The following ADAMTSL2 variants were observed in gnomAD, a reference collection of about 807,000 sequenced individuals.
ADAMTSL2 encodes ADAMTS-like protein 2.
A neutral mutation model predicts 117.0 loss-of-function variants in ADAMTSL2; 55 were observed. That is an observed-to-expected ratio of 0.47 (90% CI 0.38 to 0.59). ADAMTSL2 has a LOEUF of 0.59. Among genes scored for constraint, ADAMTSL2 ranks in the 20% least tolerant of loss-of-function variants. The pLI is 0.00. For missense variants in ADAMTSL2, 1,182 were observed against 1,354.5 expected, an observed-to-expected ratio of 0.87 and a Z score of 2.00; for synonymous variants, 572 against 566.4, an observed-to-expected ratio of 1.01 and a Z score of -0.14.
chr9:133,540,806 G>GGGA (rs1830202939), intron 6 of ADAMTSL2, 63 bp downstream of exon 6: 5 of 1,613,388 alleles, frequency 3.1e-6, no homozygotes, highest in Non-Finnish European at 2.5e-6. Flanking sequence ...GCCCGCCTGT[G>GGGA]GGAGGCAGTG....
rs371639887 is a variant in ADAMTSL2, at chr9:133,536,835, C to T, written c.90+33C>T. The T allele has an allele frequency of 4.8e-4, 771 of 1,613,678 alleles. 1 individual carries two copies. Among genetic ancestry groups the T allele is most frequent in the Non-Finnish European group, 6.1e-4 (714 of 1,179,966 alleles). On this transcript the variant is annotated intron_variant, in intron 2 of 18. Transcript: ENST00000651351. ...GGGTGTTGTGGTCTGAGGGCCCATG[C>T]CAGTCCCCTACCCAGGTGCTGTGAT... is the stretch of plus-strand genomic sequence containing the variant.
chr9:133,549,896 A>G (rs1830443281), intron 9 of ADAMTSL2, among the ~76,000 whole-genome samples: 1 of 152,220 alleles, frequency 6.6e-6, no homozygotes, highest in South Asian at 2.1e-4. Context: ...GGGATGGGGA[A>G]CACACAGTCC....
intron 17 of ADAMTSL2, among the ~76,000 whole-genome samples, chr9:133,572,977 G>T (rs1012738004): frequency 6.6e-6 from 1 of 152,232 alleles, no homozygotes; most frequent in African/African-American, 2.4e-5. Flanking sequence ...CGCCAAGCCA[G>T]CCTCTCCTCG....
At chr9:133,572,485 G>A (rs1294024016) in intron 17 of ADAMTSL2, among the ~76,000 whole-genome samples, 1 of 152,174 alleles carries the variant, frequency 6.6e-6, no homozygotes, top group Non-Finnish European at 1.5e-5. Context: ...GGCTGACTGG[G>A]GTTCCAGGGC....
At chr9:133,543,097 C>T (rs1315199098) in intron 7 of ADAMTSL2, among the ~76,000 whole-genome samples, 3 of 151,512 alleles carry the variant, frequency 2.0e-5, no homozygotes, top group South Asian at 2.1e-4. Context: ...TACAGGCTCC[C>T]ACCGCCATGC....
Position 133,570,473 on chromosome 9 carries a change from C to T in ADAMTSL2, c.2558C>T (p.Pro853Leu). 1 of 1,611,846 alleles carries T rather than the reference C, an allele frequency of 6.2e-7. No homozygotes were observed. Among genetic ancestry groups the T allele is most frequent in the Non-Finnish European group, 8.5e-7 (1 of 1,179,558 alleles). The change falls in exon 17 of 19, where the codon CCC (proline) becomes CTC (leucine). Residue 853 changes from proline to leucine, a missense_variant. Around this residue, in one of 3 missense-constraint regions of ADAMTSL2, gnomAD observed 465 missense variants for 565.3 expected, o/e 0.82. Transcript: ENST00000651351. The stretch of plus-strand genomic sequence containing the variant: ...GAGGAGAGCACGTGTTTCGAGAGGC[C>T]CTGCTTCAAGTGGTACACCAGCCCC... Reference protein sequence around the residue: ...PPEESTCFERPCFKWYTSPWS... With the variant: ...PPEESTCFERLCFKWYTSPWS...
At chr9:133,542,029 G>T (rs1454176777) in intron 7 of ADAMTSL2, among the ~76,000 whole-genome samples, 1 of 152,216 alleles carries the variant, frequency 6.6e-6, no homozygotes, top group Non-Finnish European at 1.5e-5. Flanking sequence ...GGAATAATCT[G>T]TCAAGGTCCC....
At chr9:133,536,336 G>GC in intron 1 of ADAMTSL2, among the ~76,000 whole-genome samples, 1 of 152,328 alleles carries the variant, frequency 6.6e-6, no homozygotes, top group African/African-American at 2.4e-5. Flanking sequence ...TGGGTCCCCA[G>GC]CCCCCTCAGC....
rs1008359542 is a variant in ADAMTSL2, at chr9:133,534,804, G to A, written c.-264G>A. 7.4e-6 allele frequency: 11 copies of A among 1,487,710 alleles called. No homozygotes were observed. The highest frequency in any genetic ancestry group is 5.8e-5 in the African/African-American group (4 of 69,214). 92.2% of individuals were successfully genotyped at this position (1,487,710 alleles called of 1,614,324 possible). ...GGAGGGGAAGGGGAGAGGGAGGCCG[G>A]GCCGCAGCCTCTGCACTCACGCCGC... On this transcript the variant is annotated 5_prime_UTR_variant, in exon 1 of 19. Coordinates refer to ENST00000651351, the MANE Select transcript of ADAMTSL2 (RefSeq NM_014694.4).
Position 133,534,892 on chromosome 9 carries a change from A to G in ADAMTSL2, c.-176A>G. On this transcript the variant is annotated 5_prime_UTR_variant, in exon 1 of 19. Transcript: ENST00000651351. The stretch of plus-strand genomic sequence containing the variant: ...CGCAGCGCTCGCCCCTTTCTCTGGG[A>G]GGACAACCTGCTGACCCGAAGCCAG... 1 of 1,440,704 alleles carries G rather than the reference A, an allele frequency of 6.9e-7. No homozygotes were observed. The highest frequency in any genetic ancestry group is 1.4e-5 in the South Asian group (1 of 70,734). The allele number at this position is 1,440,704 out of a possible 1,614,324, so 89.2% of individuals were successfully genotyped here. A position where few individuals can be genotyped will look rare whatever the true frequency, so the allele number is the denominator to read the frequency against.
At chr9:133,563,830 AGAGAGAGAGAGAGG>A (rs1830811092) in intron 12 of ADAMTSL2, among the ~76,000 whole-genome samples, 3 of 90,964 alleles carry the variant, frequency 3.3e-5, no homozygotes, top group African/African-American at 9.2e-5. Flanking sequence ...AGAGAGAGAG[AGAGAGAGAGAGAGG>A]GAGAGAGAGA....
In ADAMTSL2 at chr9:133,540,985, G is replaced by A; in HGVS notation, c.666G>A (p.Lys222=). ...CCCACGTGACGGGCAACTATCGCAAGGGGAATGCCCACCTTGGTAAGCCAC... is the reference window on the plus strand; with the variant it reads ...CCCACGTGACGGGCAACTATCGCAAAGGGAATGCCCACCTTGGTAAGCCAC... The part of the protein sequence containing the change: ...SCTHVTGNYR[K]GNAHLGYSLV... Residue 222 remains lysine (K), a synonymous_variant, in exon 7 of 19, where the codon AAG becomes AAA. Transcript: ENST00000651351. 1.9e-6 allele frequency: 3 copies of A among 1,613,396 alleles called. No individual in the cohort carries two copies. The highest frequency in any genetic ancestry group is 1.7e-6 in the Non-Finnish European group (2 of 1,180,008).
At chr9:133,564,327 A>G (rs1588304034) in intron 12 of ADAMTSL2, among the ~76,000 whole-genome samples, 1 of 55,380 alleles carries the variant, frequency 1.8e-5, no homozygotes, top group Non-Finnish European at 3.5e-5. Flanking sequence ...AGAGAGGGAG[A>G]GAGAGAAAGA....
rs112568160 is a variant in ADAMTSL2, at chr9:133,561,457, T to C, written c.1747+162T>C. On this transcript the variant is annotated intron_variant, in intron 12 of 18. Transcript: ENST00000651351. ...TGGGGGCAGTGTGGCGTGATAGGAG[T>C]TTGGGTGTCTGGTGAGGCCACCCTC... 1.9e-3 allele frequency among the ~76,000 whole-genome samples: 286 copies of C among 152,208 alleles called. 2 individuals are homozygous for C. The highest frequency in any genetic ancestry group is 6.6e-3 in the African/African-American group (276 of 41,548).
chr9:133,541,491 G>A (rs1452089794), intron 7 of ADAMTSL2, among the ~76,000 whole-genome samples: 1 of 152,208 alleles, frequency 6.6e-6, no homozygotes, highest in Non-Finnish European at 1.5e-5. Context: ...GTTTCACTAT[G>A]TTGGCCAGGC....
At chr9:133,564,597 G>GGAGAGAGAGAGAGGGAGA (rs1322212903) in intron 12 of ADAMTSL2, among the ~76,000 whole-genome samples, 3 of 26,144 alleles carry the variant, frequency 1.1e-4, no homozygotes, top group Non-Finnish European at 2.2e-4. Context: ...AGAGAGAGGG[G>GGAGAGAGAGAGAGGGAGA]GAGAGAGAGG....
chr9:133,536,586 A>G lies in ADAMTSL2; in HGVS notation c.-127A>G. ...AGGGTCTGCCAGACAACCACGACCAACTAGTCCCAGATAACCTTGAGGCCT... is the reference window on the plus strand; with the variant it reads ...AGGGTCTGCCAGACAACCACGACCAGCTAGTCCCAGATAACCTTGAGGCCT... On this transcript the variant is annotated 5_prime_UTR_variant, in exon 2 of 19. Coordinates refer to ENST00000651351, the MANE Select transcript of ADAMTSL2 (RefSeq NM_014694.4). The G allele has an allele frequency of 6.2e-7, 1 of 1,603,822 alleles. No individual in the cohort carries two copies. The highest frequency in any genetic ancestry group is 8.5e-7 in the Non-Finnish European group (1 of 1,174,752).
At chr9:133,537,364 G>A (rs1327415917) in intron 2 of ADAMTSL2, 41 bp from the exon 3 acceptor site, 10 of 1,330,656 alleles carry the variant, frequency 7.5e-6, no homozygotes, top group Non-Finnish European at 9.7e-6. Context: ...GTCCTCCTGG[G>A]CACTTGAGCC....
intron 6 of ADAMTSL2, 41 bp from the exon 7 acceptor site, chr9:133,540,837 C>T (rs1431392022): frequency 6.2e-7 from 1 of 1,613,108 alleles, no homozygotes; most frequent in Admixed American, 1.7e-5. Flanking sequence ...GGCCTGGCCA[C>T]AGCGCCCTCC....
Sources: gnomAD v4.1 joint callset for allele counts (sites outside exome capture counted in the v4.1 genomes callset) on GRCh38, gnomAD v4.1.1 for gene constraint, gnomAD v4.1.1 regional missense constraint, MANE v1.5 for transcripts, NCBI Gene and HGNC (gene_info 2026-07-23, HGNC 2026-07-21) for gene names.